C8orf76: variants seen among roughly 807,000 people sequenced by gnomAD.
C8orf76 encodes the protein chromosome 8 open reading frame 76.
In C8orf76, 46 loss-of-function variants were observed where a neutral mutation model predicts 38.1. The observed-to-expected ratio is 1.21, with a 90% CI of 0.95 to 1.54. The LOEUF is 1.54. C8orf76 is among the 40% of genes most tolerant of loss of function. The pLI, the probability that C8orf76 is intolerant of heterozygous loss-of-function variation, is 0.00. For synonymous variants in C8orf76, 166 were observed against 167.5 expected (o/e 0.99, Z 0.07); for missense variants, 461 against 441.6 (o/e 1.04, Z -0.39).
At chr8:123,222,599 T>C (rs1311693656) in intron 5 of C8orf76, among the ~76,000 whole-genome samples, 2 of 152,096 alleles carry the variant, frequency 1.3e-5, no homozygotes, top group African/African-American at 4.8e-5. Flanking sequence ...TTAAGTCTAA[T>C]ATAGGGAGAA....
Position 123,237,920 on chromosome 8 carries a change from T to C in C8orf76, c.235A>G (p.Ser79Gly), listed in dbSNP as rs1825555300. The change falls in exon 3 of 6, where the codon AGT becomes GGT. Residue 79 changes from serine (S) to glycine (G), a missense_variant. Transcript: ENST00000276704. ...EYQKALQEYS[S>G]ISEKLSSTNF... ...GTTGATGACAATTTTTCAGAGATAC[T>C]GGAATACTCCTGCAGTGCTTTCTGG... is the stretch of plus-strand genomic sequence containing the variant. 6.2e-7 allele frequency: 1 copy of C among 1,613,892 alleles called. No individual in the cohort carries two copies. The highest frequency in any genetic ancestry group is 8.5e-7 in the Non-Finnish European group (1 of 1,179,958).
intron 3 of C8orf76, among the ~76,000 whole-genome samples, chr8:123,236,653 G>A (rs548525987): frequency 3.7e-4 from 56 of 152,052 alleles, no homozygotes; most frequent in African/African-American, 1.3e-3. Flanking sequence ...GCGTGGTGGT[G>A]CATGCCTGTA....
intron 1 of C8orf76, 74 bp from the exon 2 acceptor site, chr8:123,239,218 T>A (rs773484983): frequency 1.4e-4 from 209 of 1,484,098 alleles, no homozygotes; most frequent in Non-Finnish European, 1.9e-4. Context: ...CAATTTCCCA[T>A]AATATAATTG....
At chr8:123,226,733 G>C in intron 4 of C8orf76, 101 bp from the exon 5 acceptor site, 1 of 1,464,798 alleles carries the variant, frequency 6.8e-7, no homozygotes, top group South Asian at 1.5e-5. Context: ...TATTGAGTCG[G>C]CTGCAAGTCC....
intron 3 of C8orf76, 83 bp from the exon 4 acceptor site, chr8:123,231,840 GTA>G: frequency 7.2e-7 from 1 of 1,382,572 alleles, no homozygotes; most frequent in Non-Finnish European, 9.7e-7. Context: ...AAACCAAGTT[GTA>G]TATGTTATAA....
rs974926845 is a variant in C8orf76 at position 123,231,562 on chromosome 8, G to T, written c.553C>A (p.Leu185Ile). The change falls in exon 4 of 6, where the codon CTT becomes ATT. Residue 185 changes from leucine to isoleucine, a missense_variant. Leu to Ile is a conservative substitution (Grantham distance 5). Coordinates refer to ENST00000276704, the MANE Select transcript of C8orf76 (RefSeq NM_032847.3). ...LNLGPALSAALASSQKQHSFT... is the reference protein window; with the variant it reads ...LNLGPALSAAIASSQKQHSFT... Reference sequence around the variant, plus strand: ...CTGTGCTGTTTCTGAGATGACGCAAGTGCTGCTGAAAGAGCTGGCCCCAGA... The same window carrying T: ...CTGTGCTGTTTCTGAGATGACGCAATTGCTGCTGAAAGAGCTGGCCCCAGA... 1.2e-6 allele frequency: 2 copies of T among 1,614,098 alleles called. No individual in the cohort carries two copies. Among genetic ancestry groups the T allele is most frequent in the African/African-American group, 2.7e-5 (2 of 74,930 alleles).
chr8:123,239,007 T>TGTTA (rs749024944), intron 2 of C8orf76, 42 bp downstream of exon 2: 1 of 1,595,720 alleles, frequency 6.3e-7, no homozygotes. Flanking sequence ...CCATAACTGA[T>TGTTA]AAAACAAGAG....
intron 5 of C8orf76, among the ~76,000 whole-genome samples, chr8:123,224,927 C>T (rs2131133507): frequency 6.6e-6 from 1 of 152,206 alleles, no homozygotes; most frequent in East Asian, 1.9e-4. Flanking sequence ...GGAGAAATGA[C>T]CACAGAGCAG....
At chr8:123,231,958 G>A (rs1047791076) in intron 3 of C8orf76, among the ~76,000 whole-genome samples, 1 of 152,148 alleles carries the variant, frequency 6.6e-6, no homozygotes, top group Non-Finnish European at 1.5e-5. Flanking sequence ...TAGAGAAAGA[G>A]TCACCAGCCA....
chr8:123,235,070 G>A (rs1367016918), intron 3 of C8orf76, among the ~76,000 whole-genome samples: 1 of 152,186 alleles, frequency 6.6e-6, no homozygotes, highest in African/African-American at 2.4e-5. Context: ...ATCGAACCCA[G>A]AACCAGGAAA....
chr8:123,224,767 C>T (rs1342750944), intron 5 of C8orf76, among the ~76,000 whole-genome samples: 4 of 152,162 alleles, frequency 2.6e-5, no homozygotes, highest in East Asian at 3.8e-4. Context: ...ACAGATTTAT[C>T]GAGCATGGTG....
In C8orf76 at chr8:123,220,135, G is replaced by T; in HGVS notation, c.1111C>A (p.Gln371Lys). ...IKDHFCPFENQFHTEIQILA is the reference protein window; with the variant it reads ...IKDHFCPFENKFHTEIQILA ...AAGATTTGTATCTCTGTATGGAACT[G>T]ATTTTCAAATGGACAGAAATGGTCT... The change falls in exon 6 of 6, where the codon CAG (glutamine) becomes AAG (lysine). Residue 371 changes from glutamine (Q) to lysine (K), a missense_variant. Physicochemically the swap from Gln to Lys is moderately conservative, Grantham distance 53 (BLOSUM62 1). Transcript: ENST00000276704. The T allele has an allele frequency of 6.2e-7, 1 of 1,611,582 alleles. No individual in the cohort carries two copies. Among genetic ancestry groups the T allele is most frequent in the South Asian group, 1.1e-5 (1 of 90,336 alleles).
chr8:123,240,286 T>G lies in C8orf76; in HGVS notation c.117+944A>C, dbSNP rs1452413494. On this transcript the variant is annotated intron_variant, in intron 1 of 5. Transcript: ENST00000276704. ...GCCCAATCCCTGTTTTGAGTCTACA[T>G]GATCCAGGGCTGAAGGTAACTTTGA... is the stretch of plus-strand genomic sequence containing the variant. Among the ~76,000 whole-genome samples, 4 of 152,168 alleles carry G rather than the reference T, an allele frequency of 2.6e-5. No individual in the cohort carries two copies. In the East Asian group the frequency reaches 7.7e-4, roughly 29 times the overall value.
chr8:123,236,063 A>G (rs1377954034), intron 3 of C8orf76, among the ~76,000 whole-genome samples: 1 of 152,242 alleles, frequency 6.6e-6, no homozygotes, highest in African/African-American at 2.4e-5. Context: ...GAGAACAGAA[A>G]AGAAAGAACA....
At chr8:123,233,810 T>C (rs1028638276) in intron 3 of C8orf76, among the ~76,000 whole-genome samples, 1 of 151,708 alleles carries the variant, frequency 6.6e-6, no homozygotes, top group Non-Finnish European at 1.5e-5. Context: ...GGGCGGATCA[T>C]GAGTTCAGGA....
intron 3 of C8orf76, chr8:123,237,028 C>T (rs1421395815): frequency 7.0e-7 from 1 of 1,436,814 alleles, no homozygotes; most frequent in Non-Finnish European, 9.8e-7. Context: ...AGAAGGAGTC[C>T]ACCCTGCACC....
At chr8:123,231,847 T>G in intron 3 of C8orf76, 90 bp from the exon 4 acceptor site, 1 of 1,350,628 alleles carries the variant, frequency 7.4e-7, no homozygotes, top group Non-Finnish European at 9.9e-7. Context: ...GTTGTATATG[T>G]TATAAATTAG....
chr8:123,225,924 CA>C (rs111443637), intron 5 of C8orf76, among the ~76,000 whole-genome samples: 2,948 of 114,662 alleles, frequency 0.026, 85 homozygotes, highest in African/African-American at 0.084. Flanking sequence ...GACTCTGTCT[CA>C]AAAAAAAAAA....
intron 3 of C8orf76, among the ~76,000 whole-genome samples, chr8:123,235,855 G>C (rs1195397300): frequency 6.6e-6 from 1 of 152,150 alleles, no homozygotes; most frequent in Non-Finnish European, 1.5e-5. Flanking sequence ...CAACAGTGAC[G>C]TGCAAGAAAC....
Sources: gnomAD v4.1 joint callset for allele counts (sites outside exome capture counted in the v4.1 genomes callset) on GRCh38, gnomAD v4.1.1 for gene constraint, MANE v1.5 for transcripts, NCBI Gene and HGNC (gene_info 2026-07-23, HGNC 2026-07-21) for gene names.